Variants in PPP1R3A observed in about 807,000 individuals in gnomAD.
PPP1R3A encodes RG1.
In PPP1R3A, 29 loss-of-function variants were observed where a neutral mutation model predicts 41.7. The ratio of observed to expected loss-of-function variants is 0.70; its 90% CI spans 0.52 to 0.95. PPP1R3A has a LOEUF of 0.95. Among genes scored for constraint, PPP1R3A ranks in the 40% least tolerant of loss-of-function variants. PPP1R3A has a pLI of 0.00. For synonymous variants in PPP1R3A, 485 were observed against 453.4 expected (o/e 1.07, Z -0.89); for missense variants, 1,352 against 1,292.4 (o/e 1.05, Z -0.71).
intron 1 of PPP1R3A, among the ~76,000 whole-genome samples, chr7:113,892,194 C>G (rs1796903015): frequency 6.6e-6 from 1 of 152,040 alleles, no homozygotes; most frequent in African/African-American, 2.4e-5. Context: ...TTCTTTTGCT[C>G]TCCTTCTCTC....
chr7:113,883,821 A>G (rs1796737143), intron 1 of PPP1R3A, among the ~76,000 whole-genome samples: 1 of 151,988 alleles, frequency 6.6e-6, no homozygotes. Flanking sequence ...GTTCTTATCT[A>G]ATCAAAATGC....
At position 113,879,256 on chromosome 7, in the gene PPP1R3A, C is replaced by A. The variant is rs375601394; in HGVS notation, c.1836G>T (p.Gly612=). ...TTGATGAACAAACTTGACCAGTTAT[C>A]CCTCCTAAAGCGCTGCCTTCACTAG... is the stretch of plus-strand genomic sequence containing the variant. The part of the protein sequence containing the change: ...HLTSEGSALG[G]ITGQVCSSRT... The change falls in exon 4 of 4, where the codon GGG becomes GGT. Residue 612 remains glycine (G), a synonymous_variant. Coordinates refer to ENST00000284601, the MANE Select transcript of PPP1R3A (RefSeq NM_002711.4). 20 of 1,613,682 alleles carry A rather than the reference C, an allele frequency of 1.2e-5. No individual in the cohort carries two copies. Among genetic ancestry groups the A allele is most frequent in the Non-Finnish European group, 1.7e-5 (20 of 1,179,760 alleles).
At position 113,877,670 on chromosome 7, in the gene PPP1R3A, A is replaced by C. The variant is rs1291032417; in HGVS notation, c.*53T>G. 4.7e-6 allele frequency: 7 copies of C among 1,497,578 alleles called. No homozygotes were observed. The highest frequency in any genetic ancestry group is 6.3e-6 in the Non-Finnish European group (7 of 1,119,046). 92.8% of individuals were successfully genotyped at this position (1,497,578 alleles called of 1,614,324 possible). On this transcript the variant is annotated 3_prime_UTR_variant, in exon 4 of 4. Transcript: ENST00000284601. ...AATGAATAGTCCCATTCACCAATCC[A>C]AATGTTTGGGGTTAAATAGCTTATC...
At chr7:113,891,458 G>C (rs1796887253) in intron 1 of PPP1R3A, among the ~76,000 whole-genome samples, 1 of 151,942 alleles carries the variant, frequency 6.6e-6, no homozygotes, top group African/African-American at 2.4e-5. Context: ...GTACTTCTAA[G>C]AGTAAAATTT....
chr7:113,902,250 C>A (rs1223239318), intron 1 of PPP1R3A, among the ~76,000 whole-genome samples: 1 of 151,832 alleles, frequency 6.6e-6, no homozygotes, highest in African/African-American at 2.4e-5. Context: ...GCCTCAGCCT[C>A]CCAAGTATAT....
In PPP1R3A at chr7:113,888,347, T is replaced by A. The variant is rs143605840; in HGVS notation, c.783-6027A>T. Among the ~76,000 whole-genome samples, 167 of 152,214 alleles carry A rather than the reference T, an allele frequency of 1.1e-3. No homozygotes were observed. In the Middle Eastern group the frequency reaches 0.014, roughly 12 times the overall value. ...AGCAGAAAGACTAATCAGAGGCTCC[T>A]GAAACATTTCAGGCACAAAATGATA... On this transcript the variant is annotated intron_variant, in intron 1 of 3. Transcript: ENST00000284601.
intron 1 of PPP1R3A, 138 bp from the exon 2 acceptor site, chr7:113,882,458 A>AT: frequency 1.7e-6 from 1 of 592,386 alleles, no homozygotes; most frequent in South Asian, 1.9e-5. Context: ...ATTACTTGGG[A>AT]TGTTTTGAAA....
At position 113,879,382 on chromosome 7, in the gene PPP1R3A, G is replaced by A. The variant is rs142416047; in HGVS notation, c.1710C>T (p.Thr570=). 2.5e-4 allele frequency: 407 copies of A among 1,613,368 alleles called. No individual in the cohort carries two copies. Among genetic ancestry groups the A allele is most frequent in the Non-Finnish European group, 2.6e-4 (305 of 1,179,718 alleles). Residue 570 remains threonine, a synonymous_variant, in exon 4 of 4, where the codon ACC becomes ACT. Transcript: ENST00000284601. ...RDLATLLSEH[T]AIPTRAITAD... is the part of the protein sequence containing the mutation. ...CTGTGATTGCCCGGGTGGGGATTGC[G>A]GTATGTTCGCTCAGCAGAGTAGCCA...
intron 1 of PPP1R3A, among the ~76,000 whole-genome samples, chr7:113,891,071 G>T (rs1459154927): frequency 8.4e-6 from 1 of 118,860 alleles, no homozygotes; most frequent in Non-Finnish European, 1.6e-5. Context: ...GTCAATATGT[G>T]GTGGAAAAAA....
chr7:113,918,466 A>G lies in PPP1R3A; in HGVS notation c.531T>C (p.Val177=), dbSNP rs937229631. The part of the protein sequence containing the change: ...QTHYDILAEY[V]PNSCDGETDQ... The stretch of plus-strand genomic sequence containing the variant: ...CAGTTTCACCATCACATGAATTAGG[A>G]ACATATTCTGCTAAAATGTCATAAT... Residue 177 remains valine (V), a synonymous_variant, in exon 1 of 4, where the codon GTT becomes GTC. Transcript: ENST00000284601. 4 of 1,613,224 alleles carry G rather than the reference A, an allele frequency of 2.5e-6. No homozygotes were observed. In the African/African-American group the frequency reaches 5.3e-5, roughly 22 times the overall value.
Position 113,879,493 on chromosome 7 carries a change from A to G in PPP1R3A, c.1599T>C (p.Asn533=). The change falls in exon 4 of 4, where the codon AAT becomes AAC. Residue 533 remains asparagine (N), a synonymous_variant. Transcript: ENST00000284601. ...CTTGGTCATGTAAGATTGTTTGGAA[A>G]TTTTTTCTTTGTTTTTCATTAACAC... ...YLGVNEKQRK[N]FQTILHDQER... The G allele has an allele frequency of 6.2e-7, 1 of 1,612,960 alleles. No homozygotes were observed. Among genetic ancestry groups the G allele is most frequent in the Non-Finnish European group, 8.5e-7 (1 of 1,179,590 alleles).
In PPP1R3A at chr7:113,918,761, T is replaced by A; in HGVS notation, c.236A>T (p.Glu79Val). Residue 79 changes from glutamate to valine, a missense_variant, in exon 1 of 4, where the codon GAA becomes GTA. Glu to Val is a moderately radical substitution (Grantham distance 121). Transcript: ENST00000284601. The part of the protein sequence containing the change: ...SFGFNLVSVK[E>V]FDCWELPSAS... Reference sequence around the variant, plus strand: ...ACTCGGTAATTCCCAGCAATCAAATTCTTTAACAGACACAAGATTGAATCC... The same window carrying A: ...ACTCGGTAATTCCCAGCAATCAAATACTTTAACAGACACAAGATTGAATCC... The A allele has an allele frequency of 1.2e-6, 2 of 1,613,930 alleles. No individual in the cohort carries two copies. Among genetic ancestry groups the A allele is most frequent in the Non-Finnish European group, 1.7e-6 (2 of 1,179,904 alleles).
At position 113,895,515 on chromosome 7, in the gene PPP1R3A, A is replaced by G. The variant is rs142888478; in HGVS notation, c.783-13195T>C. Among the ~76,000 whole-genome samples, 754 of 152,090 alleles carry G rather than the reference A, an allele frequency of 5.0e-3. 4 individuals are homozygous for G. Among genetic ancestry groups the G allele is most frequent in the Middle Eastern group, 0.017 (5 of 294 alleles). ...GGGCACATTTCTGGATTGCTATGCA[A>G]TCAAATATATGTCTAGTATTTACTC... On this transcript the variant is annotated intron_variant, in intron 1 of 3. Transcript: ENST00000284601.
intron 1 of PPP1R3A, among the ~76,000 whole-genome samples, chr7:113,917,166 C>A (rs944212236): frequency 3.3e-5 from 5 of 151,966 alleles, no homozygotes; most frequent in African/African-American, 1.2e-4. Flanking sequence ...GATTCCAAAA[C>A]AGTTCCCTTT....
intron 1 of PPP1R3A, among the ~76,000 whole-genome samples, chr7:113,903,285 C>T (rs541996737): frequency 1.3e-5 from 2 of 151,558 alleles, no homozygotes; most frequent in African/African-American, 2.4e-5. Flanking sequence ...ATGAATCACC[C>T]GTGAAATAGG....
At chr7:113,891,014 T>G (rs561381513) in intron 1 of PPP1R3A, among the ~76,000 whole-genome samples, 13 of 140,796 alleles carry the variant, frequency 9.2e-5, no homozygotes, top group African/African-American at 3.5e-4. Context: ...AATCCATAAC[T>G]AGCTCCAAGT....
At chr7:113,917,149 G>C (rs1047602663) in intron 1 of PPP1R3A, among the ~76,000 whole-genome samples, 2 of 151,918 alleles carry the variant, frequency 1.3e-5, no homozygotes, top group Non-Finnish European at 2.9e-5. Flanking sequence ...TTAAATCTGG[G>C]TGTCTTGATT....
chr7:113,905,850 T>C (rs1797137333), intron 1 of PPP1R3A, among the ~76,000 whole-genome samples: 1 of 151,798 alleles, frequency 6.6e-6, no homozygotes, highest in Non-Finnish European at 1.5e-5. Flanking sequence ...GGTAAGTGAA[T>C]CATTTCTGAT....
Position 113,904,940 on chromosome 7 carries a change from C to T in PPP1R3A, c.782+13275G>A, listed in dbSNP as rs143385287. On this transcript the variant is annotated intron_variant, in intron 1 of 3. Transcript: ENST00000284601. The stretch of plus-strand genomic sequence containing the variant: ...AACAAAATGTATCAATAAAATTTTA[C>T]CTTTTAGCTACTTTCACTGAAACAA... Among the ~76,000 whole-genome samples the T allele has an allele frequency of 5.3e-3, 800 of 151,672 alleles. 6 individuals are homozygous for T. Among genetic ancestry groups the T allele is most frequent in the Non-Finnish European group, 6.7e-3 (451 of 67,688 alleles).
Sources: allele counts gnomAD v4.1 joint callset (sites outside exome capture counted in the v4.1 genomes callset), GRCh38; gene constraint gnomAD v4.1.1; transcripts MANE v1.5; gene names NCBI Gene and HGNC (gene_info 2026-07-23, HGNC 2026-07-21).